The following SLX4 variants were observed in gnomAD, a reference collection of about 807,000 sequenced individuals.
The protein encoded by SLX4 is SLX4 structure-specific endonuclease subunit.
A neutral mutation model predicts 146.2 loss-of-function variants in SLX4; 112 were observed. That is an observed-to-expected ratio of 0.77 (90% CI 0.66 to 0.90). The LOEUF is 0.90. Among genes scored for constraint, SLX4 ranks in the 40% least tolerant of loss-of-function variants. The pLI, the probability that SLX4 is intolerant of heterozygous loss-of-function variation, is 0.00. For missense variants in SLX4, 2,563 were observed against 2,392.7 expected (o/e 1.07, Z -1.49); for synonymous variants, 1,061 against 997.7 (o/e 1.06, Z -1.20).
intron 8 of SLX4, 133 bp downstream of exon 8, chr16:3,596,020 A>C (rs2040648940): frequency 8.2e-6 from 11 of 1,336,184 alleles, no homozygotes; most frequent in South Asian, 4.5e-5. Flanking sequence ...AAGCGCCCAG[A>C]GGCTGCGTGT....
At chr16:3,591,460 CCTT>C (rs2040595606) in intron 11 of SLX4, 150 bp from the exon 12 acceptor site, 1 of 1,199,990 alleles carries the variant, frequency 8.3e-7, no homozygotes, top group African/African-American at 1.5e-5. Flanking sequence ...TGTCCACACT[CCTT>C]GCCAGAAACA....
chr16:3,601,741 G>A (rs1267202117), intron 4 of SLX4: 2 of 326,758 alleles, frequency 6.1e-6, no homozygotes, highest in Admixed American at 9.0e-5. Context: ...GGACAACTGT[G>A]CAATTTCAGA....
chr16:3,584,545 G>C (rs1055774226), intron 13 of SLX4, among the ~76,000 whole-genome samples: 4 of 152,186 alleles, frequency 2.6e-5, no homozygotes, highest in African/African-American at 7.2e-5. Flanking sequence ...TGCCTCCCTG[G>C]GGAATGGTAC....
intron 2 of SLX4, among the ~76,000 whole-genome samples, chr16:3,607,029 T>C (rs2040793967): frequency 6.6e-6 from 1 of 152,224 alleles, no homozygotes; most frequent in Admixed American, 6.5e-5. Context: ...CATACCCTTT[T>C]AAATGGTGAA....
chr16:3,598,642 C>T (rs1265205825), intron 5 of SLX4, among the ~76,000 whole-genome samples: 1 of 152,224 alleles, frequency 6.6e-6, no homozygotes. Flanking sequence ...AGGAGGAGGG[C>T]AGAGGTGACA....
intron 12 of SLX4, 97 bp from the exon 13 acceptor site, chr16:3,584,968 A>T: frequency 1.1e-6 from 1 of 913,142 alleles, no homozygotes; most frequent in Non-Finnish European, 1.8e-6. Context: ...ATGCACTTGA[A>T]GATAACCCAA....
Position 3,609,143 on chromosome 16 carries a change from C to A in SLX4, c.-179G>T. 1.5e-6 allele frequency: 1 copy of A among 665,718 alleles called. No individual in the cohort carries two copies. Among genetic ancestry groups the A allele is most frequent in the Admixed American group, 2.6e-5 (1 of 38,190 alleles). 41.2% of individuals were successfully genotyped at this position (665,718 alleles called of 1,614,324 possible). ...ACTGGGCCGGGCGCGGTGGCTCACA[C>A]TTGTAATCCCAGCTCTTTTGGAGGA... On this transcript the variant is annotated 5_prime_UTR_variant, in exon 2 of 15. Transcript: ENST00000294008.
chr16:3,589,222 G>C lies in SLX4; in HGVS notation c.4416C>G (p.Leu1472=). The part of the protein sequence containing the change: ...ADSRDCRSPG[L]LDTTPIRGSC... ...TTCCTCGGATGGGGGTGGTGTCCAGGAGTCCCGGGGAGCGACAGTCACGGC... is the reference window on the plus strand; with the variant it reads ...TTCCTCGGATGGGGGTGGTGTCCAGCAGTCCCGGGGAGCGACAGTCACGGC... The change falls in exon 12 of 15, where the codon CTC becomes CTG. Residue 1472 remains leucine, a synonymous_variant. Transcript: ENST00000294008. The surrounding 1 kb of genome is among the most constrained non-coding windows in gnomAD (Gnocchi z 6.2). The C allele has an allele frequency of 6.2e-7, 1 of 1,610,784 alleles. No individual in the cohort carries two copies. Among genetic ancestry groups the C allele is most frequent in the Non-Finnish European group, 8.5e-7 (1 of 1,177,376 alleles).
Position 3,582,496 on chromosome 16 carries a change from TCTGCCTGCA to T in SLX4, c.5342_5350del (p.Leu1781_Glu1784delinsGln), listed in dbSNP as rs2151115638. On this transcript the variant is annotated inframe_deletion, in exon 15 of 15. Transcript: ENST00000294008. ...CACACGGAGGCCGTTCTGCCTCAGC[TCTGCCTGCA>T]GCTCCCGCAGCTCAAAGGGCTGGTA... The T allele has an allele frequency of 1.2e-6, 2 of 1,614,034 alleles. No individual in the cohort carries two copies. The highest frequency in any genetic ancestry group is 3.3e-5 in the Admixed American group (2 of 60,030).
rs972307066 is a variant in SLX4, at chr16:3,597,099, G to A, written c.1683+280C>T. 6.6e-6 allele frequency among the ~76,000 whole-genome samples: 1 copy of A among 152,150 alleles called. No homozygotes were observed. Among genetic ancestry groups the A allele is most frequent in the Non-Finnish European group, 1.5e-5 (1 of 68,024 alleles). ...GCCTCCCAAAGTGCAGGGATTACGG[G>A]CGTGAGCCACTGCGCCCGGCCGGGA... On this transcript the variant is annotated intron_variant, in intron 7 of 14. Coordinates refer to ENST00000294008, the MANE Select transcript of SLX4 (RefSeq NM_032444.4). This position sits in a 1 kb window ranked among gnomAD's most constrained non-coding sequence, Gnocchi z 4.4.
At position 3,582,208 on chromosome 16, in the gene SLX4, C is replaced by T; in HGVS notation, c.*134G>A. On this transcript the variant is annotated 3_prime_UTR_variant, in exon 15 of 15. Coordinates refer to ENST00000294008, the MANE Select transcript of SLX4 (RefSeq NM_032444.4). ...TTGGGCTGTGGTCATCATCACAGCGCAGAGCTGATGTGGTCCCCAGGCCCA... is the reference window on the plus strand; with the variant it reads ...TTGGGCTGTGGTCATCATCACAGCGTAGAGCTGATGTGGTCCCCAGGCCCA... 1 of 714,732 alleles carries T rather than the reference C, an allele frequency of 1.4e-6. No homozygotes were observed. Among genetic ancestry groups the T allele is most frequent in the Non-Finnish European group, 2.4e-6 (1 of 421,058 alleles). 44.3% of individuals were successfully genotyped at this position (714,732 alleles called of 1,614,324 possible). A position where few individuals can be genotyped will look rare whatever the true frequency, so the allele number is the denominator to read the frequency against.
At chr16:3,605,863 C>T (rs1272061305) in intron 3 of SLX4, among the ~76,000 whole-genome samples, 2 of 140,172 alleles carry the variant, frequency 1.4e-5, no homozygotes, top group African/African-American at 2.7e-5. Context: ...AGGAGAATGG[C>T]GTGAACCTGG....
chr16:3,584,711 C>T (rs1423950399), intron 13 of SLX4, 58 bp downstream of exon 13: 26 of 1,342,670 alleles, frequency 1.9e-5, no homozygotes, highest in Non-Finnish European at 2.8e-5. Flanking sequence ...GTGTGAAACC[C>T]AGTTACTTAT....
chr16:3,608,550 C>T lies in SLX4; in HGVS notation c.415G>A (p.Gly139Arg), dbSNP rs2151139249. 1 of 1,614,224 alleles carries T rather than the reference C, an allele frequency of 6.2e-7. No homozygotes were observed. The highest frequency in any genetic ancestry group is 8.5e-7 in the Non-Finnish European group (1 of 1,180,050). ...QASEPAHSVN[G>R]EGGVLASAPD... ...GCAGAGGCAAGCACACCCCCCTCCC[C>T]ATTCACAGAGTGGGCCGGTTCACTT... The change falls in exon 2 of 15, where the codon GGG (glycine) becomes AGG (arginine). Residue 139 changes from glycine (G) to arginine (R), a missense_variant. Physicochemically the swap from Gly to Arg is moderately radical, Grantham distance 125. Coordinates refer to ENST00000294008, the MANE Select transcript of SLX4 (RefSeq NM_032444.4).
chr16:3,585,409 AC>A lies in SLX4; in HGVS notation c.4637-539del, dbSNP rs1371583866. On this transcript the variant is annotated intron_variant, in intron 12 of 14. Coordinates refer to ENST00000294008, the MANE Select transcript of SLX4 (RefSeq NM_032444.4). ...AGACCATCCTGGCTAACACGGTGAA[AC>A]CCCGTCTCTATTAAAAATACAAAAA... is the stretch of plus-strand genomic sequence containing the variant. 7.2e-5 allele frequency among the ~76,000 whole-genome samples: 11 copies of A among 152,186 alleles called. No individual in the cohort carries two copies. The East Asian group carries it at 1.9e-3, about 27-fold the overall frequency.
chr16:3,602,301 C>T lies in SLX4; in HGVS notation c.767G>A (p.Gly256Glu). 5 of 1,613,872 alleles carry T rather than the reference C, an allele frequency of 3.1e-6. No homozygotes were observed. Among genetic ancestry groups the T allele is most frequent in the Non-Finnish European group, 4.2e-6 (5 of 1,180,040 alleles). Residue 256 changes from glycine (G) to glutamate (E), a missense_variant, in exon 4 of 15, where the codon GGG (glycine) becomes GAG (glutamate). Coordinates refer to ENST00000294008, the MANE Select transcript of SLX4 (RefSeq NM_032444.4). ...GCTCTCTGGGGCAGGGGGCCCAAGC[C>T]CATACACTGTGGAGAAGCACCAAAG... ...QEEMMAGNVY[G>E]LGPPAPESDA...
Position 3,590,932 on chromosome 16 carries a change from C to T in SLX4, c.2706G>A (p.Lys902=), listed in dbSNP as rs764936885. 8 of 1,614,202 alleles carry T rather than the reference C, an allele frequency of 5.0e-6. No individual in the cohort carries two copies. The highest frequency in any genetic ancestry group is 1.7e-5 in the Admixed American group (1 of 60,026). ...GCTCCAACGGCTCCATCTCCTCCAC[C>T]TTGTCCCACTGTTTCTGCACCTGGA... The part of the protein sequence containing the change: ...AGVQVQKQWD[K]VEEMEPLEPG... Residue 902 remains lysine, a synonymous_variant, in exon 12 of 15, where the codon AAG becomes AAA. Coordinates refer to ENST00000294008, the MANE Select transcript of SLX4 (RefSeq NM_032444.4). This position sits in a 1 kb window ranked among gnomAD's most constrained non-coding sequence, Gnocchi z 4.8.
rs377532371 is a variant in SLX4 at position 3,608,957 on chromosome 16, A to C, written c.8T>G (p.Leu3Arg). The change falls in exon 2 of 15, where the codon CTG becomes CGG. Residue 3 changes from leucine to arginine, a missense_variant. Coordinates refer to ENST00000294008, the MANE Select transcript of SLX4 (RefSeq NM_032444.4). MK[L>R]SVNEAQLGFY... The stretch of plus-strand genomic sequence containing the variant: ...GCCTAGCTGAGCCTCATTCACACTC[A>C]GTTTCATTAGGGTTCTTCTCTACTT... 59 of 1,613,052 alleles carry C rather than the reference A, an allele frequency of 3.7e-5. No individual in the cohort carries two copies. Among genetic ancestry groups the C allele is most frequent in the Non-Finnish European group, 4.7e-5 (55 of 1,180,022 alleles).
chr16:3,594,309 A>C, intron 10 of SLX4, 144 bp downstream of exon 10: 1 of 1,149,268 alleles, frequency 8.7e-7, no homozygotes. Flanking sequence ...GGGAGGGAGA[A>C]GGTGAGAACA....
Sources: gnomAD v4.1 joint callset for allele counts (sites outside exome capture counted in the v4.1 genomes callset) on GRCh38, gnomAD v4.1.1 for gene constraint, Gnocchi (gnomAD v3.1) non-coding constraint, MANE v1.5 for transcripts, NCBI Gene and HGNC (gene_info 2026-07-23, HGNC 2026-07-21) for gene names.